BMERB1: variants seen among roughly 807,000 people sequenced by gnomAD.
BMERB1 encodes the protein bMERB domain containing 1.
Under a neutral mutation model 23.6 loss-of-function variants are expected in BMERB1, and 12 were observed. That is an observed-to-expected ratio of 0.51 (90% CI 0.33 to 0.82). The LOEUF is 0.82. Among genes scored for constraint, BMERB1 ranks in the 40% least tolerant of loss-of-function variants. BMERB1 has a pLI of 0.03. For missense variants in BMERB1, 247 were observed against 255.4 expected, an observed-to-expected ratio of 0.97 and a Z score of 0.22; for synonymous variants, 122 against 96.6, an observed-to-expected ratio of 1.26 and a Z score of -1.54.
At chr16:15,532,548 T>TC (rs1321060339) in intron 2 of BMERB1, among the ~76,000 whole-genome samples, 1 of 134,830 alleles carries the variant, frequency 7.4e-6, no homozygotes, top group Non-Finnish European at 1.6e-5. Context: ...CTTTTTCTTT[T>TC]TTTTTTTTTT....
At chr16:15,483,006 G>A (rs906015231) in intron 1 of BMERB1, among the ~76,000 whole-genome samples, 15 of 152,256 alleles carry the variant, frequency 9.9e-5, no homozygotes, top group African/African-American at 2.4e-4. Flanking sequence ...ACCCGCCAAA[G>A]TCAACCAACA....
At chr16:15,464,760 G>T (rs2051167316) in intron 1 of BMERB1, among the ~76,000 whole-genome samples, 1 of 152,154 alleles carries the variant, frequency 6.6e-6, no homozygotes, top group Non-Finnish European at 1.5e-5. Flanking sequence ...CAGTGAGGAT[G>T]ACCAGTGGTC....
intron 1 of BMERB1, among the ~76,000 whole-genome samples, chr16:15,462,606 C>T (rs572182612): frequency 2.0e-5 from 3 of 151,984 alleles, no homozygotes; most frequent in East Asian, 1.9e-4. Flanking sequence ...GAGAGGAGGC[C>T]GGAGAGGGGA....
intron 1 of BMERB1, among the ~76,000 whole-genome samples, chr16:15,446,845 G>T (rs906897011): frequency 2.0e-5 from 3 of 152,222 alleles, no homozygotes; most frequent in Non-Finnish European, 4.4e-5. Flanking sequence ...TGCCTTCAGT[G>T]TCAAACTGGA....
chr16:15,519,074 TACACACACACACACACAC>T (rs145892599), intron 2 of BMERB1, among the ~76,000 whole-genome samples: 4 of 140,510 alleles, frequency 2.8e-5, no homozygotes, highest in African/African-American at 1.1e-4. Context: ...ACAATCCTCT[TACACACACACACACACAC>T]ACACACACAC....
intron 2 of BMERB1, among the ~76,000 whole-genome samples, chr16:15,533,415 A>G (rs1329635271): frequency 1.4e-5 from 2 of 145,448 alleles, no homozygotes; most frequent in African/African-American, 5.2e-5. Flanking sequence ...TTTTTTCCTG[A>G]GATAGAGTCT....
intron 2 of BMERB1, among the ~76,000 whole-genome samples, chr16:15,545,956 T>C (rs1382351351): frequency 3.3e-5 from 5 of 151,902 alleles, no homozygotes; most frequent in Non-Finnish European, 5.9e-5. Flanking sequence ...TGGCCAGGAA[T>C]GGTGGCCAAA....
intron 4 of BMERB1, among the ~76,000 whole-genome samples, chr16:15,582,136 G>A (rs180863818): frequency 2.0e-4 from 30 of 152,284 alleles, no homozygotes; most frequent in East Asian, 1.9e-3. Flanking sequence ...AGTGGCTGAC[G>A]CCTGTAATCC....
chr16:15,488,832 CAA>C (rs1397433069), intron 1 of BMERB1, among the ~76,000 whole-genome samples: 7 of 97,778 alleles, frequency 7.2e-5, no homozygotes, highest in Non-Finnish European at 1.5e-4. Flanking sequence ...AAAAAAAAAA[CAA>C]AGATATATAG....
At chr16:15,460,706 G>A (rs1210211613) in intron 1 of BMERB1, among the ~76,000 whole-genome samples, 2 of 152,138 alleles carry the variant, frequency 1.3e-5, no homozygotes, top group African/African-American at 4.8e-5. Flanking sequence ...AATTAGTTCT[G>A]CCTAGTTACA....
chr16:15,556,698 G>A (rs983557176), intron 2 of BMERB1, among the ~76,000 whole-genome samples: 5 of 152,110 alleles, frequency 3.3e-5, no homozygotes, highest in Non-Finnish European at 7.4e-5. Flanking sequence ...TGATTCTCCT[G>A]CCTCAGCCTC....
chr16:15,456,547 A>T (rs920623490), intron 1 of BMERB1, among the ~76,000 whole-genome samples: 1 of 152,090 alleles, frequency 6.6e-6, no homozygotes, highest in African/African-American at 2.4e-5. Flanking sequence ...CATGTTATCC[A>T]GGCTGGTTTC....
At chr16:15,530,605 G>A (rs1448430295) in intron 2 of BMERB1, among the ~76,000 whole-genome samples, 1 of 152,060 alleles carries the variant, frequency 6.6e-6, no homozygotes, top group African/African-American at 2.4e-5. Flanking sequence ...TGGTGACATA[G>A]TTCGGCTGTG....
intron 1 of BMERB1, among the ~76,000 whole-genome samples, chr16:15,501,280 C>G (rs868151523): frequency 7.7e-6 from 1 of 129,852 alleles, no homozygotes; most frequent in South Asian, 2.4e-4. Context: ...GCACCCAGCT[C>G]TTTTTACTTT....
At chr16:15,558,857 CG>C (rs529495719) in intron 2 of BMERB1, among the ~76,000 whole-genome samples, 3 of 151,360 alleles carry the variant, frequency 2.0e-5, no homozygotes, top group Non-Finnish European at 4.4e-5. Context: ...GCCATTCTCA[CG>C]TGAGTGGCTG....
At chr16:15,563,011 AG>A (rs1471459723) in intron 2 of BMERB1, among the ~76,000 whole-genome samples, 3 of 152,208 alleles carry the variant, frequency 2.0e-5, no homozygotes, top group Non-Finnish European at 4.4e-5. Flanking sequence ...GCAAAAGGCA[AG>A]GGGTCCTGCT....
intron 1 of BMERB1, among the ~76,000 whole-genome samples, chr16:15,485,004 G>A (rs1346949291): frequency 3.3e-5 from 5 of 152,216 alleles, no homozygotes; most frequent in African/African-American, 1.2e-4. Context: ...CTCTCGGGCA[G>A]ATGCTTTCCA....
chr16:15,569,347 T>C (rs1317283935), intron 3 of BMERB1, among the ~76,000 whole-genome samples: 2 of 152,152 alleles, frequency 1.3e-5, no homozygotes, highest in Non-Finnish European at 2.9e-5. Flanking sequence ...AAACTTATAA[T>C]CATGGCGGAA....
intron 1 of BMERB1, among the ~76,000 whole-genome samples, chr16:15,466,326 C>T (rs1450366403): frequency 6.6e-6 from 1 of 152,072 alleles, no homozygotes; most frequent in African/African-American, 2.4e-5. Context: ...ATTGTGTTTT[C>T]CTGATTTCCA....
Sources: allele counts gnomAD v4.1 joint callset (sites outside exome capture counted in the v4.1 genomes callset), GRCh38; gene constraint gnomAD v4.1.1; transcripts MANE v1.5; gene names NCBI Gene and HGNC (gene_info 2026-07-23, HGNC 2026-07-21).